Variants in TEK observed in about 807,000 individuals in gnomAD.
The protein encoded by TEK is TEK receptor tyrosine kinase, also known as angiopoietin-1 receptor.
A neutral mutation model predicts 131.8 loss-of-function variants in TEK; 43 were observed. The ratio of observed to expected loss-of-function variants is 0.33; its 90% CI spans 0.26 to 0.42. TEK has a LOEUF of 0.42. Among genes scored for constraint, TEK ranks in the 10% least tolerant of loss-of-function variants. The pLI, the probability that TEK is intolerant of heterozygous loss-of-function variation, is 1.00. For missense variants in TEK, 1,162 were observed against 1,384.4 expected (o/e 0.84, Z 2.55); for synonymous variants, 580 against 491.6 (o/e 1.18, Z -2.38).
At chr9:27,221,513 T>C (rs148358092) in intron 21 of TEK, among the ~76,000 whole-genome samples, 692 of 152,004 alleles carry the variant, frequency 4.6e-3, no homozygotes, top group African/African-American at 0.015. Flanking sequence ...CGACAGGACA[T>C]CTTATACAGG....
At chr9:27,197,785 C>A (rs988763451) in intron 12 of TEK, among the ~76,000 whole-genome samples, 186 bp downstream of exon 12, 1 of 152,134 alleles carries the variant, frequency 6.6e-6, no homozygotes, top group Non-Finnish European at 1.5e-5. Flanking sequence ...TTTGGATTTG[C>A]AATAATTCAG....
rs569116755 is a variant in TEK at position 27,201,408 on chromosome 9, A to G, written c.1910-1412A>G. ...AGCCACAACTATACAAATATTAACTATGTGATCATAGTAATCTGAAAATGT... is the reference window on the plus strand; with the variant it reads ...AGCCACAACTATACAAATATTAACTGTGTGATCATAGTAATCTGAAAATGT... On this transcript the variant is annotated intron_variant, in intron 12 of 22. Transcript: ENST00000380036. 3.3e-5 allele frequency among the ~76,000 whole-genome samples: 5 copies of G among 152,316 alleles called. No individual in the cohort carries two copies. The East Asian group carries it at 7.7e-4, about 23-fold the overall frequency.
chr9:27,144,127 C>CA (rs1331130662), intron 1 of TEK, among the ~76,000 whole-genome samples: 1 of 151,998 alleles, frequency 6.6e-6, no homozygotes, highest in Admixed American at 6.6e-5. Flanking sequence ...ACTAAAAATA[C>CA]AAAAATTAGC....
intron 1 of TEK, among the ~76,000 whole-genome samples, chr9:27,118,754 C>T (rs930147188): frequency 6.6e-6 from 1 of 152,152 alleles, no homozygotes; most frequent in African/African-American, 2.4e-5. Context: ...AATCACTGGT[C>T]ACAGAATGTC....
intron 8 of TEK, among the ~76,000 whole-genome samples, chr9:27,183,935 C>T (rs1824495827): frequency 6.6e-6 from 1 of 152,200 alleles, no homozygotes; most frequent in Non-Finnish European, 1.5e-5. Context: ...CAAAGCTTTG[C>T]TCTCGCAGTG....
chr9:27,219,282 C>A (rs35717047), intron 20 of TEK, among the ~76,000 whole-genome samples: 4,437 of 152,242 alleles, frequency 0.029, 93 homozygotes, highest in Non-Finnish European at 0.049. Flanking sequence ...TACATATACA[C>A]CGTGGAATAC....
At chr9:27,120,371 G>T (rs666812) in intron 1 of TEK, among the ~76,000 whole-genome samples, 100,739 of 152,240 alleles carry the variant, frequency 0.66, 33,753 homozygotes, top group East Asian at 0.92. Context: ...GTTTAGCTCA[G>T]GTGTTATATC....
Position 27,206,784 on chromosome 9 carries a change from G to A in TEK, c.2567G>A (p.Arg856Lys). 6.2e-7 allele frequency: 1 copy of A among 1,613,896 alleles called. No individual in the cohort carries two copies. The highest frequency in any genetic ancestry group is 8.5e-7 in the Non-Finnish European group (1 of 1,179,934). ...TTACGGATGGATGCTGCCATCAAAA[G>A]AATGAAAGGTCAGTGGTTGACCAGA... ...DGLRMDAAIKRMKEYASKDDH... is the reference protein window; with the variant it reads ...DGLRMDAAIKKMKEYASKDDH... Residue 856 changes from arginine to lysine, a missense_variant, in exon 15 of 23, where the codon AGA (arginine) becomes AAA (lysine). Arg to Lys is a conservative substitution (Grantham distance 26). Coordinates refer to ENST00000380036, the MANE Select transcript of TEK (RefSeq NM_000459.5).
At chr9:27,183,308 C>A in intron 7 of TEK, 151 bp from the exon 8 acceptor site, 1 of 826,436 alleles carries the variant, frequency 1.2e-6, no homozygotes, top group Non-Finnish European at 2.0e-6. Flanking sequence ...ATATCATCCA[C>A]ATCACAGGTG....
chr9:27,217,562 G>A (rs1381910440), intron 18 of TEK, 126 bp from the exon 19 acceptor site: 3 of 796,498 alleles, frequency 3.8e-6, no homozygotes, highest in Non-Finnish European at 6.6e-6. Context: ...ATGTAGCTGG[G>A]ACATACACAA....
At chr9:27,190,958 T>A (rs1824795809) in intron 10 of TEK, among the ~76,000 whole-genome samples, 1 of 152,152 alleles carries the variant, frequency 6.6e-6, no homozygotes, top group African/African-American at 2.4e-5. Context: ...TTTTTGGATC[T>A]CCAGTCCTGT....
At chr9:27,199,551 T>C (rs910760110) in intron 12 of TEK, among the ~76,000 whole-genome samples, 1 of 152,246 alleles carries the variant, frequency 6.6e-6, no homozygotes, top group Non-Finnish European at 1.5e-5. Context: ...TTACTTTGCG[T>C]ATCTCAAAAG....
chr9:27,204,859 T>C, intron 13 of TEK, 52 bp from the exon 14 acceptor site: 1 of 1,611,104 alleles, frequency 6.2e-7, no homozygotes, highest in Non-Finnish European at 8.5e-7. Context: ...GGTGTGGGTC[T>C]GTTTCTCTAT....
chr9:27,144,949 A>G (rs1358345968), intron 1 of TEK, among the ~76,000 whole-genome samples: 2 of 152,202 alleles, frequency 1.3e-5, no homozygotes, highest in Non-Finnish European at 2.9e-5. Context: ...AACAAACAGA[A>G]TTCCACAAGA....
At chr9:27,143,202 G>A (rs145771690) in intron 1 of TEK, among the ~76,000 whole-genome samples, 2 of 152,240 alleles carry the variant, frequency 1.3e-5, no homozygotes, top group Non-Finnish European at 2.9e-5. Flanking sequence ...GGGAGGGAGC[G>A]GTGATTGAAA....
chr9:27,172,519 A>G, intron 4 of TEK, 97 bp from the exon 5 acceptor site: 2 of 1,523,642 alleles, frequency 1.3e-6, no homozygotes, highest in South Asian at 1.2e-5. Context: ...TTTATTCACC[A>G]TTGTCCACTG....
intron 2 of TEK, among the ~76,000 whole-genome samples, chr9:27,165,679 A>G (rs1823703727): frequency 6.6e-6 from 1 of 152,178 alleles, no homozygotes; most frequent in South Asian, 2.1e-4. Context: ...GAGAAAACTG[A>G]GATTTGCAGA....
intron 7 of TEK, among the ~76,000 whole-genome samples, chr9:27,181,283 AT>A (rs1268411838): frequency 6.6e-6 from 1 of 152,066 alleles, no homozygotes; most frequent in East Asian, 1.9e-4. Flanking sequence ...CTTTTTCTTA[AT>A]TTTTTTGGTA....
At chr9:27,131,089 G>C (rs1822196355) in intron 1 of TEK, among the ~76,000 whole-genome samples, 1 of 152,144 alleles carries the variant, frequency 6.6e-6, no homozygotes, top group African/African-American at 2.4e-5. Context: ...CAAGTGAAAA[G>C]GCTCAGTAAT....
Sources: gnomAD v4.1 joint callset for allele counts (sites outside exome capture counted in the v4.1 genomes callset) on GRCh38, gnomAD v4.1.1 for gene constraint, MANE v1.5 for transcripts, NCBI Gene and HGNC (gene_info 2026-07-23, HGNC 2026-07-21) for gene names.